Variants in PTPRT observed in about 807,000 individuals in gnomAD.
PTPRT encodes the protein receptor-type tyrosine-protein phosphatase T.
In PTPRT, 56 loss-of-function variants were observed where a neutral mutation model predicts 176.8. The observed-to-expected ratio is 0.32, with a 90% CI of 0.26 to 0.40. The LOEUF is 0.40. Ranked by LOEUF, PTPRT falls within the 10% of genes least tolerant of loss-of-function variation. The pLI is 1.00. For synonymous variants in PTPRT, 783 were observed against 739.0 expected (o/e 1.06, Z -0.96); for missense variants, 1,540 against 1,908.2 (o/e 0.81, Z 3.60).
chr20:42,922,141 G>A (rs991714900), intron 1 of PTPRT, among the ~76,000 whole-genome samples: 1 of 152,040 alleles, frequency 6.6e-6, no homozygotes, highest in African/African-American at 2.4e-5. Context: ...TCGCTATATT[G>A]GCCAGGCTGA....
intron 16 of PTPRT, among the ~76,000 whole-genome samples, chr20:42,163,607 T>C (rs1355807508): frequency 2.0e-5 from 3 of 152,186 alleles, no homozygotes; most frequent in Non-Finnish European, 4.4e-5. Context: ...GAAATACTGA[T>C]TCCACCCTCA....
chr20:42,273,167 C>T (rs1315818770), intron 13 of PTPRT, among the ~76,000 whole-genome samples: 2 of 152,162 alleles, frequency 1.3e-5, no homozygotes, highest in Non-Finnish European at 2.9e-5. Context: ...ACTTTCGATA[C>T]ATTTTCTCAT....
At chr20:42,963,674 A>G (rs943648599) in intron 1 of PTPRT, among the ~76,000 whole-genome samples, 2 of 152,154 alleles carry the variant, frequency 1.3e-5, no homozygotes, top group Admixed American at 1.3e-4. Flanking sequence ...CTTACCATTA[A>G]CAACTGAGAA....
intron 13 of PTPRT, among the ~76,000 whole-genome samples, chr20:42,272,574 C>T (rs1424747007): frequency 6.6e-6 from 1 of 152,182 alleles, no homozygotes; most frequent in Non-Finnish European, 1.5e-5. Flanking sequence ...TTCTCCCTGC[C>T]TTAGTCTTCC....
chr20:42,314,303 C>A (rs2145367648), intron 12 of PTPRT, among the ~76,000 whole-genome samples: 1 of 152,086 alleles, frequency 6.6e-6, no homozygotes, highest in African/African-American at 2.4e-5. Context: ...CTGAGGTGGG[C>A]AGATCACGAG....
intron 1 of PTPRT, among the ~76,000 whole-genome samples, chr20:42,983,680 C>G (rs1273181563): frequency 1.3e-5 from 2 of 152,250 alleles, no homozygotes; most frequent in African/African-American, 4.8e-5. Flanking sequence ...GCCCTGCCCA[C>G]AACCCACTAG....
At chr20:42,263,154 T>G (rs1471095954) in intron 13 of PTPRT, among the ~76,000 whole-genome samples, 1 of 152,174 alleles carries the variant, frequency 6.6e-6, no homozygotes, top group African/African-American at 2.4e-5. Flanking sequence ...TTCAGGCTAG[T>G]TATCCCAAAG....
chr20:42,071,659 A>C (rs1600439825), downstream of PTPRT, among the ~76,000 whole-genome samples: 1 of 151,850 alleles, frequency 6.6e-6, no homozygotes, highest in African/African-American at 2.4e-5. Flanking sequence ...ATTTTATTTT[A>C]TTTTATTTTA....
intron 6 of PTPRT, among the ~76,000 whole-genome samples, chr20:42,703,681 T>G (rs1392316849): frequency 6.6e-6 from 1 of 152,166 alleles, no homozygotes; most frequent in Non-Finnish European, 1.5e-5. Context: ...ACAGAAAAGC[T>G]TATCTCAAAG....
chr20:42,879,740 TGTGTGTGTGTGTGTGTGCGC>T (rs1393751305), intron 2 of PTPRT, among the ~76,000 whole-genome samples: 10 of 150,998 alleles, frequency 6.6e-5, no homozygotes, highest in Admixed American at 6.6e-4. Context: ...GAAATGTGTG[TGTGTGTGTGTGTGTGTGCGC>T]GTGTGTGTGT....
intron 2 of PTPRT, among the ~76,000 whole-genome samples, chr20:42,879,873 T>A (rs938149291): frequency 1.3e-5 from 2 of 152,190 alleles, no homozygotes; most frequent in Non-Finnish European, 2.9e-5. Flanking sequence ...TCTAGAAATG[T>A]GTGTAGGAAA....
chr20:42,654,536 A>AG (rs1402512221), intron 7 of PTPRT, among the ~76,000 whole-genome samples: 2 of 152,118 alleles, frequency 1.3e-5, no homozygotes, highest in Non-Finnish European at 2.9e-5. Flanking sequence ...TACTACAGAG[A>AG]GGGGTAGGGA....
intron 11 of PTPRT, among the ~76,000 whole-genome samples, chr20:42,321,873 G>A (rs1284659711): frequency 1.3e-5 from 2 of 152,110 alleles, no homozygotes; most frequent in East Asian, 3.9e-4. Context: ...CATGAGGTCA[G>A]GAGATCGAGA....
chr20:42,705,952 T>C (rs2076048286), intron 6 of PTPRT, among the ~76,000 whole-genome samples: 1 of 152,102 alleles, frequency 6.6e-6, no homozygotes, highest in Non-Finnish European at 1.5e-5. Flanking sequence ...CACCATTAGA[T>C]AGATTCCTTG....
intron 7 of PTPRT, among the ~76,000 whole-genome samples, chr20:42,490,369 T>C (rs2071541227): frequency 6.6e-6 from 1 of 152,160 alleles, no homozygotes; most frequent in Non-Finnish European, 1.5e-5. Context: ...CCATAGACTT[T>C]TTCTCCATCT....
At position 43,189,839 on chromosome 20, in the gene PTPRT, G is replaced by T. The variant is rs1010972739; in HGVS notation, c.-106C>A. The T allele has an allele frequency of 2.0e-6, 1 of 498,552 alleles. No homozygotes were observed. Among genetic ancestry groups the T allele is most frequent in the Non-Finnish European group, 2.6e-6 (1 of 385,082 alleles). The allele number at this position is 498,552 out of a possible 1,614,324, so 30.9% of individuals were successfully genotyped here. A position where few individuals can be genotyped will look rare whatever the true frequency, so the allele number is the denominator to read the frequency against. ...GCCGGCGCGGCCGCTGGCTGTGCGCGCGGCTGGCTCCGCTCGGGCTCCCGG... is the reference window on the plus strand; with the variant it reads ...GCCGGCGCGGCCGCTGGCTGTGCGCTCGGCTGGCTCCGCTCGGGCTCCCGG... On this transcript the variant is annotated 5_prime_UTR_variant, in exon 1 of 31. Coordinates refer to ENST00000373187, the MANE Select transcript of PTPRT (RefSeq NM_007050.6). This position sits in a 1 kb window ranked among gnomAD's most constrained non-coding sequence, Gnocchi z 5.0.
At chr20:42,553,332 C>T (rs2145621805) in intron 7 of PTPRT, among the ~76,000 whole-genome samples, 1 of 152,130 alleles carries the variant, frequency 6.6e-6, no homozygotes, top group African/African-American at 2.4e-5. Flanking sequence ...TATGCATTTA[C>T]TTTCTCTCAG....
intron 1 of PTPRT, among the ~76,000 whole-genome samples, chr20:42,957,244 C>T (rs1367515547): frequency 6.6e-6 from 1 of 152,134 alleles, no homozygotes; most frequent in African/African-American, 2.4e-5. Flanking sequence ...GGTCGAGTGG[C>T]AGTACGCAGC....
Position 42,529,858 on chromosome 20 carries a change from A to G in PTPRT, c.1154-57296T>C, listed in dbSNP as rs539811372. Among the ~76,000 whole-genome samples the G allele has an allele frequency of 4.3e-4, 65 of 151,642 alleles. 1 individual carries two copies. The highest frequency in any genetic ancestry group is 1.4e-3 in the African/African-American group (57 of 41,286). The stretch of plus-strand genomic sequence containing the variant: ...GCAACTTGTTAGAGGAAAAAAAAAA[A>G]AAAAAAAGAAAAAAAAGACTTGATG... On this transcript the variant is annotated intron_variant, in intron 7 of 30. Coordinates refer to ENST00000373187, the MANE Select transcript of PTPRT (RefSeq NM_007050.6).
Sources: gnomAD v4.1 joint callset for allele counts (sites outside exome capture counted in the v4.1 genomes callset) on GRCh38, gnomAD v4.1.1 for gene constraint, Gnocchi (gnomAD v3.1) non-coding constraint, MANE v1.5 for transcripts, NCBI Gene and HGNC (gene_info 2026-07-23, HGNC 2026-07-21) for gene names.